The following SYT9 variants were observed in gnomAD, a reference collection of about 807,000 sequenced individuals.
SYT9 encodes synaptotagmin 9.
In SYT9, 22 loss-of-function variants were observed where a neutral mutation model predicts 48.4. The ratio of observed to expected loss-of-function variants is 0.45; its 90% confidence interval spans 0.32 to 0.65. The LOEUF (loss-of-function observed/expected upper bound fraction) is 0.65, where lower values mean the gene tolerates loss of function less well. SYT9 is among the 30% of genes least tolerant of loss of function. The pLI, the probability that SYT9 is intolerant of heterozygous loss-of-function variation, is 0.03. For missense variants in SYT9, 577 were observed against 622.0 expected, an observed-to-expected ratio of 0.93 and a Z score of 0.77; for synonymous variants, 265 against 245.0, an observed-to-expected ratio of 1.08 and a Z score of -0.76.
chr11:7,264,504 T>C (rs142078097), intron 1 of SYT9, among the ~76,000 whole-genome samples: 180 of 151,988 alleles, frequency 1.2e-3, no homozygotes, highest in Middle Eastern at 6.8e-3. Context: ...TGAAATTTCA[T>C]TGGAGTAAGG....
chr11:7,416,163 G>A lies in SYT9; in HGVS notation c.1165+1G>A, dbSNP rs757505598. On this transcript the variant is annotated splice_donor_variant, in intron 4 of 6. Coordinates refer to ENST00000318881, the MANE Select transcript of SYT9 (RefSeq NM_175733.4). LOFTEE classifies it high-confidence loss of function. ...GCAATGGACATAACAGGAGCATCAG[G>A]TGGGGCATTTTCAAATTCAGACTTC... The A allele has an allele frequency of 1.2e-6, 2 of 1,614,146 alleles. No individual in the cohort carries two copies. The highest frequency in any genetic ancestry group is 1.7e-6 in the Non-Finnish European group (2 of 1,179,994).
rs1194299634 is a variant in SYT9 at position 7,359,714 on chromosome 11, T to A, written c.1044+45773T>A. Among the ~76,000 whole-genome samples, 53 of 115,792 alleles carry A rather than the reference T, an allele frequency of 4.6e-4. 1 individual carries two copies. Among genetic ancestry groups the A allele is most frequent in the African/African-American group, 1.5e-3 (51 of 35,018 alleles). 76.0% of individuals were successfully genotyped at this position (115,792 alleles called of 152,430 possible). On this transcript the variant is annotated intron_variant, in intron 3 of 6. Transcript: ENST00000318881. Reference sequence around the variant, plus strand: ...GATGGGGTTGTTTGTTTTTTTCTTGTAAATTTGTTTGAGTTCATTGTAGAT... The same window carrying A: ...GATGGGGTTGTTTGTTTTTTTCTTGAAAATTTGTTTGAGTTCATTGTAGAT...
At chr11:7,381,533 C>T (rs1850565081) in intron 3 of SYT9, among the ~76,000 whole-genome samples, 1 of 152,224 alleles carries the variant, frequency 6.6e-6, no homozygotes, top group African/African-American at 2.4e-5. Context: ...AGAAAGAAGC[C>T]AGTTGCCTCT....
Position 7,252,241 on chromosome 11 carries a change from C to T in SYT9, c.55C>T (p.Leu19Phe), listed in dbSNP as rs954342561. ...CHQALQLLAE[L>F]CARGALEHDS... is the part of the protein sequence containing the mutation. ...CCAGGCGCTGCAGCTGCTGGCCGAG[C>T]TCTGTGCCCGTGGGGCCCTGGAGCA... is the stretch of plus-strand genomic sequence containing the variant. Residue 19 changes from leucine (L) to phenylalanine (F), a missense_variant, in exon 1 of 7, where the codon CTC becomes TTC. Transcript: ENST00000318881. This position sits in a 1 kb window ranked among gnomAD's most constrained non-coding sequence, Gnocchi z 6.3. 6 of 1,503,964 alleles carry T rather than the reference C, an allele frequency of 4.0e-6. No individual in the cohort carries two copies. The African/African-American group carries it at 5.8e-5, about 15-fold the overall frequency. 93.2% of individuals were successfully genotyped at this position (1,503,964 alleles called of 1,614,324 possible). A position where few individuals can be genotyped will look rare whatever the true frequency, so the allele number is the denominator to read the frequency against.
intron 3 of SYT9, among the ~76,000 whole-genome samples, chr11:7,383,056 A>C (rs997711715): frequency 5.9e-5 from 9 of 152,220 alleles, no homozygotes; most frequent in Admixed American, 5.2e-4. Flanking sequence ...ACTTTTTGCC[A>C]ATCTTGTCAT....
intron 3 of SYT9, among the ~76,000 whole-genome samples, chr11:7,351,462 C>G (rs1408575296): frequency 1.3e-5 from 2 of 152,154 alleles, no homozygotes; most frequent in African/African-American, 4.8e-5. Context: ...TTACGGACTC[C>G]TTGTGTGGGA....
chr11:7,294,452 A>G (rs1468240592), intron 1 of SYT9, among the ~76,000 whole-genome samples: 1 of 152,206 alleles, frequency 6.6e-6, no homozygotes, highest in Non-Finnish European at 1.5e-5. Flanking sequence ...ATTTATCCTG[A>G]GGCAAATTGC....
intron 1 of SYT9, among the ~76,000 whole-genome samples, chr11:7,291,726 A>G (rs770892376): frequency 1.2e-4 from 18 of 151,908 alleles, no homozygotes; most frequent in Non-Finnish European, 1.3e-4. Context: ...AACTCTCTTC[A>G]TGCCAACAGA....
intron 3 of SYT9, among the ~76,000 whole-genome samples, chr11:7,391,816 T>G (rs2134061774): frequency 6.9e-6 from 1 of 144,028 alleles, no homozygotes; most frequent in African/African-American, 2.6e-5. Context: ...CTCGGGAACC[T>G]GAGGTGGGAG....
chr11:7,347,714 C>G (rs537958501), intron 3 of SYT9, among the ~76,000 whole-genome samples: 4 of 152,266 alleles, frequency 2.6e-5, no homozygotes, highest in African/African-American at 9.6e-5. Context: ...TGGCCAGCAG[C>G]TTTTTGAGGG....
intron 6 of SYT9, among the ~76,000 whole-genome samples, chr11:7,422,517 C>G (rs1463688878): frequency 6.6e-6 from 1 of 152,090 alleles, no homozygotes; most frequent in Non-Finnish European, 1.5e-5. Flanking sequence ...TCTGTGGGCT[C>G]ATTAGATTTT....
intron 1 of SYT9, among the ~76,000 whole-genome samples, chr11:7,289,195 G>A (rs1304061370): frequency 1.3e-5 from 2 of 152,330 alleles, no homozygotes; most frequent in Non-Finnish European, 2.9e-5. Flanking sequence ...GAGCGCTCTG[G>A]CTCCTGTTCT....
chr11:7,420,600 C>T lies in SYT9; in HGVS notation c.1432C>T (p.Arg478Trp), dbSNP rs200921056. The T allele has an allele frequency of 4.8e-5, 78 of 1,614,024 alleles. No homozygotes were observed. Among genetic ancestry groups the T allele is most frequent in the Non-Finnish European group, 5.5e-5 (65 of 1,180,026 alleles). ...CTGGAGTGAAATGTTGTCATATCCT[C>T]GGAAGCCCATTGCACACTGGCATTC... is the stretch of plus-strand genomic sequence containing the variant. Reference protein sequence around the residue: ...DHWSEMLSYPRKPIAHWHSLV... With the variant: ...DHWSEMLSYPWKPIAHWHSLV... Residue 478 changes from arginine to tryptophan, a missense_variant, in exon 6 of 7, where the codon CGG becomes TGG. Transcript: ENST00000318881.
upstream of SYT9, among the ~76,000 whole-genome samples, chr11:7,247,519 A>G (rs1318095118): frequency 1.3e-5 from 2 of 149,422 alleles, no homozygotes; most frequent in Non-Finnish European, 3.0e-5. Flanking sequence ...ATACATATAT[A>G]CACACATATA....
intron 4 of SYT9, among the ~76,000 whole-genome samples, chr11:7,416,622 C>T (rs1459612577): frequency 6.6e-6 from 1 of 152,110 alleles, no homozygotes; most frequent in African/African-American, 2.4e-5. Context: ...AGCATTTATG[C>T]CTGATTAGGT....
At chr11:7,241,877 T>C (rs1389027944) in intron 1 of SYT9, among the ~76,000 whole-genome samples, 5 of 152,224 alleles carry the variant, frequency 3.3e-5, no homozygotes, top group African/African-American at 1.2e-4. Context: ...ACATATTGTA[T>C]GGTGGTTACA....
chr11:7,377,335 T>C (rs1850473240), intron 3 of SYT9, among the ~76,000 whole-genome samples: 1 of 152,078 alleles, frequency 6.6e-6, no homozygotes, highest in African/African-American at 2.4e-5. Context: ...TTATTGTCTC[T>C]ATTTGAAGCA....
At position 7,432,574 on chromosome 11, in the gene SYT9, AAAAAAAAAATATATATAC is replaced by A. The variant is rs1564901976; in HGVS notation, c.1467+11941_1467+11958del. ...AAAAAAAAAAAAAAAAAAAAAAAAA[AAAAAAAAAATATATATAC>A]ATATATATATATATATATATATATA... On this transcript the variant is annotated intron_variant, in intron 6 of 6. Transcript: ENST00000318881. Among the ~76,000 whole-genome samples the A allele has an allele frequency of 2.7e-3, 34 of 12,612 alleles. 1 individual carries two copies. The highest frequency in any genetic ancestry group is 8.2e-3 in the South Asian group (2 of 244). The allele number at this position is 12,612 out of a possible 152,430, so 8.3% of individuals were successfully genotyped here.
At chr11:7,276,189 A>G (rs77063289) in intron 1 of SYT9, among the ~76,000 whole-genome samples, 2,230 of 152,138 alleles carry the variant, frequency 0.015, 53 homozygotes, top group African/African-American at 0.049. Context: ...CCATCACCAC[A>G]TCCTCACTTT....
Sources: allele counts gnomAD v4.1 joint callset (sites outside exome capture counted in the v4.1 genomes callset), GRCh38; gene constraint gnomAD v4.1.1; non-coding constraint Gnocchi (gnomAD v3.1); transcripts MANE v1.5; gene names NCBI Gene and HGNC (gene_info 2026-07-23, HGNC 2026-07-21).